ZFYVE28: variants seen among roughly 807,000 people sequenced by gnomAD.
ZFYVE28 encodes zinc finger FYVE-type containing 28, also known as lateral signaling target protein 2 homolog.
ZFYVE28 carries 40 observed loss-of-function variants against 82.1 expected under a neutral mutation model. The observed-to-expected ratio is 0.49, with a 90% CI of 0.38 to 0.63. The LOEUF (loss-of-function observed/expected upper bound fraction) is 0.63, where lower values mean the gene tolerates loss of function less well. Among genes scored for constraint, ZFYVE28 ranks in the 30% least tolerant of loss-of-function variants. ZFYVE28 has a pLI of 0.00. For synonymous variants in ZFYVE28, 612 were observed against 546.1 expected, an observed-to-expected ratio of 1.12 and a Z score of -1.68; for missense variants, 1,321 against 1,242.1, an observed-to-expected ratio of 1.06 and a Z score of -0.96.
chr4:2,353,899 G>A (rs754314867), intron 2 of ZFYVE28, 34 bp downstream of exon 2: 113 of 1,461,596 alleles, frequency 7.7e-5, no homozygotes, highest in Admixed American at 9.4e-5. Flanking sequence ...AATGCCCAGC[G>A]GGGCCAGCCA....
chr4:2,383,210 T>G (rs1391655915), intron 1 of ZFYVE28, among the ~76,000 whole-genome samples: 1 of 152,182 alleles, frequency 6.6e-6, no homozygotes, highest in Non-Finnish European at 1.5e-5. Flanking sequence ...AATCTCATCT[T>G]GAATTGTACT....
intron 1 of ZFYVE28, among the ~76,000 whole-genome samples, chr4:2,388,462 C>T (rs1332412803): frequency 2.6e-5 from 4 of 152,122 alleles, no homozygotes; most frequent in East Asian, 3.9e-4. Flanking sequence ...CACCTTCTCC[C>T]ATCCCACTGC....
intron 1 of ZFYVE28, among the ~76,000 whole-genome samples, chr4:2,370,774 ATT>A (rs946077352): frequency 6.6e-5 from 10 of 152,136 alleles, no homozygotes; most frequent in African/African-American, 2.2e-4. Context: ...GGGGCGCCAG[ATT>A]GCACACCACA....
intron 1 of ZFYVE28, among the ~76,000 whole-genome samples, chr4:2,356,993 A>C (rs182869867): frequency 1.3e-5 from 2 of 152,148 alleles, no homozygotes; most frequent in Non-Finnish European, 2.9e-5. Flanking sequence ...CCCAGGCTCA[A>C]GCAATCATCC....
intron 6 of ZFYVE28, among the ~76,000 whole-genome samples, chr4:2,322,385 G>A (rs1560202166): frequency 6.6e-6 from 1 of 152,170 alleles, no homozygotes; most frequent in Non-Finnish European, 1.5e-5. Flanking sequence ...AGGCCACCCA[G>A]GCCTGCGTCC....
At chr4:2,279,505 T>C (rs145251091) in intron 8 of ZFYVE28, among the ~76,000 whole-genome samples, 2,957 of 151,754 alleles carry the variant, frequency 0.019, 92 homozygotes, top group African/African-American at 0.065. Flanking sequence ...ACTGGCCGGG[T>C]GCAGTGGCTC....
At chr4:2,369,408 GA>G (rs1727253129) in intron 1 of ZFYVE28, among the ~76,000 whole-genome samples, 1 of 152,168 alleles carries the variant, frequency 6.6e-6, no homozygotes, top group Non-Finnish European at 1.5e-5. Flanking sequence ...CTTGAGTAAG[GA>G]AAAGGTGCCC....
Position 2,336,436 on chromosome 4 carries a change from C to G in ZFYVE28, c.612-642G>C, listed in dbSNP as rs1308529019. 2.0e-5 allele frequency among the ~76,000 whole-genome samples: 3 copies of G among 152,126 alleles called. No homozygotes were observed. In the East Asian group the frequency reaches 5.8e-4, roughly 29 times the overall value. On this transcript the variant is annotated intron_variant, in intron 5 of 12. Transcript: ENST00000290974. ...TGATAATAGTCAATTTCAAATCTTC[C>G]AAACACCATAGTACCACTTGAACAA...
intron 3 of ZFYVE28, among the ~76,000 whole-genome samples, chr4:2,340,720 G>A (rs1241159730): frequency 2.0e-5 from 3 of 152,066 alleles, no homozygotes; most frequent in African/African-American, 7.2e-5. Flanking sequence ...GGGGAGGAGG[G>A]AGAACCTGCC....
intron 1 of ZFYVE28, among the ~76,000 whole-genome samples, chr4:2,396,959 TGTGCCGAGAA>T (rs1730540910): frequency 6.6e-6 from 1 of 152,168 alleles, no homozygotes; most frequent in South Asian, 2.1e-4. Flanking sequence ...CTCTGGCTGC[TGTGCCGAGAA>T]CAGCCGGGTG....
At chr4:2,402,356 T>C (rs7437490) in intron 1 of ZFYVE28, among the ~76,000 whole-genome samples, 129,322 of 152,132 alleles carry the variant, frequency 0.85, 55,120 homozygotes, top group Admixed American at 0.9. Context: ...AGACACCATC[T>C]CCCGCCCCGC....
Position 2,304,888 on chromosome 4 carries a change from C to G in ZFYVE28, c.1452G>C (p.Ser484=). The change falls in exon 8 of 13, where the codon TCG becomes TCC. Residue 484 remains serine (S), a synonymous_variant. Coordinates refer to ENST00000290974, the MANE Select transcript of ZFYVE28 (RefSeq NM_020972.3). The part of the protein sequence containing the change: ...AGTSSCSCLD[S]RLHLDGWEVG... ...CCTCCCAGCCGTCCAGGTGCAGCCG[C>G]GAGTCCAGGCAGCTGCAGGAGCTGG... 1 of 1,612,684 alleles carries G rather than the reference C, an allele frequency of 6.2e-7. No homozygotes were observed. Among genetic ancestry groups the G allele is most frequent in the South Asian group, 1.1e-5 (1 of 91,074 alleles).
Position 2,332,795 on chromosome 4 carries a change from C to A in ZFYVE28, c.701+2910G>T, listed in dbSNP as rs1166187090. The stretch of plus-strand genomic sequence containing the variant: ...CTTAGGAACAGCTGCCCACTCAGCA[C>A]TCACCCGCTCAGCACTCACCCGCCC... On this transcript the variant is annotated intron_variant, in intron 6 of 12. Transcript: ENST00000290974. The surrounding 1 kb of genome is among the most constrained non-coding windows in gnomAD (Gnocchi z 4.7). Among the ~76,000 whole-genome samples the A allele has an allele frequency of 6.6e-6, 1 of 152,120 alleles. No homozygotes were observed. The highest frequency in any genetic ancestry group is 1.5e-5 in the Non-Finnish European group (1 of 68,006).
chr4:2,303,302 C>G (rs771082183), intron 8 of ZFYVE28, among the ~76,000 whole-genome samples: 29 of 152,216 alleles, frequency 1.9e-4, no homozygotes, highest in Non-Finnish European at 3.2e-4. Context: ...CCAAGAACCC[C>G]CTTCCCCAGT....
chr4:2,361,252 A>G (rs1379668897), intron 1 of ZFYVE28, among the ~76,000 whole-genome samples: 1 of 142,220 alleles, frequency 7.0e-6, no homozygotes, highest in Non-Finnish European at 1.5e-5. Context: ...AGGAGAAAAT[A>G]TGCACGAACA....
At chr4:2,385,493 GTC>G (rs1729161143) in intron 1 of ZFYVE28, among the ~76,000 whole-genome samples, 1 of 152,232 alleles carries the variant, frequency 6.6e-6, no homozygotes, top group Admixed American at 6.5e-5. Context: ...TCTCTGGACT[GTC>G]AGCTGGGACC....
chr4:2,349,192 C>G (rs1179042), intron 2 of ZFYVE28, among the ~76,000 whole-genome samples: 1 of 151,934 alleles, frequency 6.6e-6, no homozygotes, highest in African/African-American at 2.4e-5. Context: ...TTTGGCAGCT[C>G]GACACAGTTT....
chr4:2,414,070 CTGCCACTTCG>C (rs1445482016), intron 1 of ZFYVE28, among the ~76,000 whole-genome samples: 3 of 152,248 alleles, frequency 2.0e-5, no homozygotes, highest in Admixed American at 6.5e-5. Context: ...CCGCCCCCAT[CTGCCACTTCG>C]TTTCCAGGGT....
At chr4:2,319,603 T>C (rs1718744267) in intron 7 of ZFYVE28, among the ~76,000 whole-genome samples, 1 of 152,138 alleles carries the variant, frequency 6.6e-6, no homozygotes, top group Non-Finnish European at 1.5e-5. Context: ...GGGCTTCACG[T>C]GGCCCCCGTC....
Sources: allele counts gnomAD v4.1 joint callset (sites outside exome capture counted in the v4.1 genomes callset), GRCh38; gene constraint gnomAD v4.1.1; non-coding constraint Gnocchi (gnomAD v3.1); transcripts MANE v1.5; gene names NCBI Gene and HGNC (gene_info 2026-07-23, HGNC 2026-07-21).